The following RFX2 variants were observed in gnomAD, a reference collection of about 807,000 sequenced individuals.
The protein encoded by RFX2 is regulatory factor X2, also known as DNA-binding protein RFX2.
A neutral mutation model predicts 87.8 loss-of-function variants in RFX2; 20 were observed. The ratio of observed to expected loss-of-function variants is 0.23; its 90% CI spans 0.16 to 0.33. RFX2 has a LOEUF of 0.33. Ranked by LOEUF, RFX2 falls within the 10% of genes least tolerant of loss-of-function variation. The pLI, the probability that RFX2 is intolerant of heterozygous loss-of-function variation, is 1.00. For synonymous variants in RFX2, 397 were observed against 431.3 expected, an observed-to-expected ratio of 0.92 and a Z score of 0.98; for missense variants, 767 against 1,012.3, an observed-to-expected ratio of 0.76 and a Z score of 3.29.
chr19:6,059,311 A>C (rs1009141370), intron 1 of RFX2, among the ~76,000 whole-genome samples: 11 of 152,154 alleles, frequency 7.2e-5, no homozygotes, highest in Admixed American at 5.9e-4. Flanking sequence ...AAATTGTCCA[A>C]ACTAAAGTAT....
Position 6,040,118 on chromosome 19 carries a change from G to A in RFX2, c.384C>T (p.Pro128=). ...TGGTGATGCCCACCATGCTGTGGGA[G>A]GGGACCGCTGGCGGGGACGAGGCTG... ...TVAASSPPAV[P]SHSMVGITMD... Residue 128 remains proline, a synonymous_variant, in exon 5 of 18, where the codon CCC becomes CCT. Coordinates refer to ENST00000303657, the MANE Select transcript of RFX2 (RefSeq NM_000635.4). This position sits in a 1 kb window ranked among gnomAD's most constrained non-coding sequence, Gnocchi z 6.1. 1 of 1,611,054 alleles carries A rather than the reference G, an allele frequency of 6.2e-7. No homozygotes were observed. Among genetic ancestry groups the A allele is most frequent in the Non-Finnish European group, 8.5e-7 (1 of 1,178,636 alleles).
chr19:6,093,779 A>C (rs914556474), intron 1 of RFX2, among the ~76,000 whole-genome samples: 6 of 152,128 alleles, frequency 3.9e-5, no homozygotes, highest in Non-Finnish European at 8.8e-5. Flanking sequence ...GGAATGAAGC[A>C]CCAACACGTG....
chr19:6,085,031 T>G (rs2087837441), intron 1 of RFX2, among the ~76,000 whole-genome samples: 1 of 152,252 alleles, frequency 6.6e-6, no homozygotes, highest in Non-Finnish European at 1.5e-5. Context: ...CAGAATTTCC[T>G]TCCTTTTTCA....
chr19:6,014,312 C>A (rs1205302221), intron 7 of RFX2, among the ~76,000 whole-genome samples: 2 of 152,160 alleles, frequency 1.3e-5, no homozygotes, highest in African/African-American at 4.8e-5. Context: ...CGGCTCACTG[C>A]AACCTCCCTC....
chr19:6,008,026 A>AC, intron 10 of RFX2, 80 bp downstream of exon 10: 1 of 1,081,666 alleles, frequency 9.2e-7, no homozygotes, highest in Non-Finnish European at 1.4e-6. Context: ...CCTCAGCGTC[A>AC]CCCGGGGACG....
chr19:6,026,112 G>T lies in RFX2; in HGVS notation c.597+51C>A. 1 of 1,468,232 alleles carries T rather than the reference G, an allele frequency of 6.8e-7. No individual in the cohort carries two copies. The highest frequency in any genetic ancestry group is 9.5e-7 in the Non-Finnish European group (1 of 1,052,614). The allele number at this position is 1,468,232 out of a possible 1,614,324, so 91.0% of individuals were successfully genotyped here. A position where few individuals can be genotyped will look rare whatever the true frequency, so the allele number is the denominator to read the frequency against. On this transcript the variant is annotated intron_variant, in intron 6 of 17. Transcript: ENST00000303657. This position sits in a 1 kb window ranked among gnomAD's most constrained non-coding sequence, Gnocchi z 4.5. ...CTTCATTTGTCTTAAAAATGTCTAT[G>T]CAGGTTACAAGCAGAGCAGGGACAG...
intron 1 of RFX2, chr19:6,057,121 A>T (rs1170800986): frequency 6.6e-6 from 1 of 152,260 alleles, no homozygotes; most frequent in Non-Finnish European, 1.5e-5. Flanking sequence ...CGAAACGCTC[A>T]TTTGACCTTG....
At chr19:5,995,511 C>T in intron 17 of RFX2, 90 bp downstream of exon 17, 1 of 1,308,958 alleles carries the variant, frequency 7.6e-7, no homozygotes, top group Non-Finnish European at 1.1e-6. Context: ...GCATTTCCAC[C>T]TGTTCATCAT....
At chr19:6,078,523 T>C (rs891610916) in intron 1 of RFX2, among the ~76,000 whole-genome samples, 1 of 152,214 alleles carries the variant, frequency 6.6e-6, no homozygotes, top group East Asian at 1.9e-4. Flanking sequence ...AAAGCCAACA[T>C]CTGCAGTGCC....
At position 6,042,105 on chromosome 19, in the gene RFX2, C is replaced by T. The variant is rs767220785; in HGVS notation, c.199G>A (p.Val67Met). 8.1e-6 allele frequency: 13 copies of T among 1,613,824 alleles called. No homozygotes were observed. The African/African-American group carries it at 1.2e-4, about 15-fold the overall frequency. The change falls in exon 4 of 18, where the codon GTG (valine) becomes ATG (methionine). Residue 67 changes from valine to methionine, a missense_variant. Coordinates refer to ENST00000303657, the MANE Select transcript of RFX2 (RefSeq NM_000635.4). ...VPQQVQPVQH[V>M]YPAQVQYVEG... ...ACGTACTGCACCTGGGCAGGATACA[C>T]GTGCTGCACCGGCTGCACCTGAAAC...
intron 13 of RFX2, among the ~76,000 whole-genome samples, chr19:6,003,186 T>A (rs2086518606): frequency 6.6e-6 from 1 of 152,116 alleles, no homozygotes; most frequent in African/African-American, 2.4e-5. Context: ...GACCACAGAC[T>A]CCTGAGTGCT....
At chr19:6,035,858 T>TG (rs1158090469) in intron 5 of RFX2, among the ~76,000 whole-genome samples, 4 of 149,276 alleles carry the variant, frequency 2.7e-5, no homozygotes, top group South Asian at 2.1e-4. Flanking sequence ...GGGGTGTGTG[T>TG]GTGTGTGTGT....
chr19:6,095,177 G>C (rs527285544), intron 1 of RFX2, among the ~76,000 whole-genome samples: 132 of 152,244 alleles, frequency 8.7e-4, no homozygotes, highest in African/African-American at 3.0e-3. Flanking sequence ...AATTTCACAC[G>C]TGGCTTGTGT....
At chr19:6,037,938 C>G (rs2087046158) in intron 5 of RFX2, among the ~76,000 whole-genome samples, 1 of 151,948 alleles carries the variant, frequency 6.6e-6, no homozygotes. Flanking sequence ...GAGGCTAGAA[C>G]AACACATTGT....
chr19:5,995,029 C>T, intron 17 of RFX2, 79 bp from the exon 18 acceptor site: 1 of 1,145,456 alleles, frequency 8.7e-7, no homozygotes, highest in Non-Finnish European at 1.3e-6. Flanking sequence ...GTTCCGAGAA[C>T]TGCTCCGGCA....
chr19:6,030,568 A>G (rs921286665), intron 5 of RFX2, among the ~76,000 whole-genome samples: 1 of 152,212 alleles, frequency 6.6e-6, no homozygotes, highest in African/African-American at 2.4e-5. Context: ...AGAGACAGAA[A>G]GCAGATTAGT....
In RFX2 at chr19:6,083,332, C is replaced by T. The variant is rs1210104575; in HGVS notation, c.-9+27061G>A. On this transcript the variant is annotated intron_variant, in intron 1 of 17. Coordinates refer to ENST00000303657, the MANE Select transcript of RFX2 (RefSeq NM_000635.4). The surrounding 1 kb of genome is among the most constrained non-coding windows in gnomAD (Gnocchi z 4.6). Reference sequence around the variant, plus strand: ...AATTTTGCATCCCAGGCGAGGGCCTCACTGCCTCATGCTAGTTCTGACCCT... The same window carrying T: ...AATTTTGCATCCCAGGCGAGGGCCTTACTGCCTCATGCTAGTTCTGACCCT... 1.3e-5 allele frequency among the ~76,000 whole-genome samples: 2 copies of T among 152,186 alleles called. No homozygotes were observed. Among genetic ancestry groups the T allele is most frequent in the African/African-American group, 4.8e-5 (2 of 41,440 alleles).
chr19:6,029,529 T>C (rs2086930459), intron 5 of RFX2, among the ~76,000 whole-genome samples: 1 of 151,952 alleles, frequency 6.6e-6, no homozygotes, highest in African/African-American at 2.4e-5. Context: ...GCCAACATGG[T>C]GAAACCCTGT....
rs1044040166 is a variant in RFX2 at position 6,047,848 on chromosome 19, A to G, written c.-8-344T>C. On this transcript the variant is annotated intron_variant, in intron 1 of 17. Coordinates refer to ENST00000303657, the MANE Select transcript of RFX2 (RefSeq NM_000635.4). This position sits in a 1 kb window ranked among gnomAD's most constrained non-coding sequence, Gnocchi z 4.2. The stretch of plus-strand genomic sequence containing the variant: ...TTTTGAAGGGCTCAATTGTTTCCTC[A>G]TTTACCCAGAAATCAAAAGCTCTGG... 2.6e-5 allele frequency among the ~76,000 whole-genome samples: 4 copies of G among 152,188 alleles called. No homozygotes were observed. Among genetic ancestry groups the G allele is most frequent in the African/African-American group, 9.6e-5 (4 of 41,456 alleles).
Sources: allele counts gnomAD v4.1 joint callset (sites outside exome capture counted in the v4.1 genomes callset), GRCh38; gene constraint gnomAD v4.1.1; non-coding constraint Gnocchi (gnomAD v3.1); transcripts MANE v1.5; gene names NCBI Gene and HGNC (gene_info 2026-07-23, HGNC 2026-07-21).